MAML2: variants seen among roughly 807,000 people sequenced by gnomAD.
MAML2 encodes mastermind-like protein 2.
In MAML2, 22 loss-of-function variants were observed where a neutral mutation model predicts 96.1. The ratio of observed to expected loss-of-function variants is 0.23; its 90% confidence interval spans 0.16 to 0.33. MAML2 has a LOEUF of 0.33. Among genes scored for constraint, MAML2 ranks in the 10% least tolerant of loss-of-function variants. MAML2 has a pLI of 1.00. For missense variants in MAML2, 1,367 were observed against 1,392.4 expected, an observed-to-expected ratio of 0.98 and a Z score of 0.29; for synonymous variants, 561 against 521.3, an observed-to-expected ratio of 1.08 and a Z score of -1.04.
intron 1 of MAML2, among the ~76,000 whole-genome samples, chr11:96,233,136 G>A (rs549137449): frequency 2.0e-4 from 30 of 152,024 alleles, no homozygotes; most frequent in Middle Eastern, 6.8e-3. Context: ...AACAATATCT[G>A]TCACCAATAG....
intron 1 of MAML2, among the ~76,000 whole-genome samples, chr11:96,202,350 C>CA (rs3995542): frequency 0.5 from 53,993 of 107,242 alleles, 12,605 homozygotes; most frequent in Non-Finnish European, 0.53. Context: ...GACTCCATCT[C>CA]AAAAAAAAAA....
chr11:96,216,694 C>A (rs1291631957), intron 1 of MAML2, among the ~76,000 whole-genome samples: 1 of 152,126 alleles, frequency 6.6e-6, no homozygotes, highest in Non-Finnish European at 1.5e-5. Flanking sequence ...GAGACTCAGT[C>A]CCTGTTCTCA....
At chr11:96,325,298 A>C (rs527945820) in intron 1 of MAML2, among the ~76,000 whole-genome samples, 2 of 152,328 alleles carry the variant, frequency 1.3e-5, no homozygotes, top group Admixed American at 1.3e-4. Context: ...GAGTTAGCAC[A>C]GACAAGTTTG....
intron 2 of MAML2, among the ~76,000 whole-genome samples, chr11:96,055,815 C>T (rs1394712129): frequency 6.6e-6 from 1 of 152,126 alleles, no homozygotes; most frequent in Non-Finnish European, 1.5e-5. Flanking sequence ...ATGTTGGCTA[C>T]ATTTAAAAGA....
At chr11:96,063,325 G>A (rs1197484872) in intron 2 of MAML2, among the ~76,000 whole-genome samples, 1 of 152,130 alleles carries the variant, frequency 6.6e-6, no homozygotes, top group East Asian at 1.9e-4. Flanking sequence ...TACTCACTCA[G>A]TATTGGTTTT....
intron 1 of MAML2, among the ~76,000 whole-genome samples, chr11:96,232,698 C>T (rs539541468): frequency 6.6e-6 from 1 of 152,168 alleles, no homozygotes. Context: ...GTCTCGATCT[C>T]CTGACCTCGC....
chr11:95,978,997 T>C lies in MAML2; in HGVS notation c.3422A>G (p.Asp1141Gly). The C allele has an allele frequency of 6.2e-7, 1 of 1,613,600 alleles. No individual in the cohort carries two copies. ...ATCAAGATTGATGTCTTTCATCCAG[T>C]CATCATTACCAGGCTCTGTCTTCAA... ...SLLKTEPGND[D>G]WMKDINLDEI... Residue 1141 changes from aspartate (D) to glycine (G), a missense_variant, in exon 5 of 5, where the codon GAC becomes GGC. By Grantham distance (94) the Asp-to-Gly change is moderately conservative (BLOSUM62 -1). Transcript: ENST00000524717.
chr11:96,031,407 CTA>C (rs1210492404), intron 2 of MAML2, among the ~76,000 whole-genome samples: 1 of 152,072 alleles, frequency 6.6e-6, no homozygotes, highest in Non-Finnish European at 1.5e-5. Flanking sequence ...GTTTTCCAAA[CTA>C]TGCTAAAGAG....
chr11:96,204,973 C>CGAAA (rs1861876657), intron 1 of MAML2, among the ~76,000 whole-genome samples: 1 of 152,206 alleles, frequency 6.6e-6, no homozygotes, highest in Admixed American at 6.5e-5. Flanking sequence ...TCTTAAGAAT[C>CGAAA]GAAAGCTCAG....
Position 96,092,759 on chromosome 11 carries a change from C to A in MAML2, c.1272G>T (p.Leu424Phe). ...PQTGSGASRA[L>F]PSWQEVSHAQ... ...CATGGGATACTTCCTGCCAGCTTGG[C>A]AAGGCCCGGCTTGCTCCGGAGCCTG... Residue 424 changes from leucine to phenylalanine, a missense_variant, in exon 2 of 5, where the codon TTG becomes TTT. Coordinates refer to ENST00000524717, the MANE Select transcript of MAML2 (RefSeq NM_032427.4). The surrounding 1 kb of genome is among the most constrained non-coding windows in gnomAD (Gnocchi z 4.1). 4 of 1,613,652 alleles carry A rather than the reference C, an allele frequency of 2.5e-6. No individual in the cohort carries two copies. The highest frequency in any genetic ancestry group is 3.4e-6 in the Non-Finnish European group (4 of 1,179,698).
intron 2 of MAML2, among the ~76,000 whole-genome samples, chr11:96,084,722 G>A (rs969303969): frequency 2.0e-5 from 3 of 152,160 alleles, no homozygotes; most frequent in African/African-American, 7.2e-5. Flanking sequence ...CAAAGACTCA[G>A]AGTCACACAG....
intron 1 of MAML2, among the ~76,000 whole-genome samples, chr11:96,176,951 A>C (rs1861396679): frequency 6.6e-6 from 1 of 152,194 alleles, no homozygotes; most frequent in South Asian, 2.1e-4. Context: ...GGCACTAAAA[A>C]TACGGAGATA....
In MAML2 at chr11:96,076,430, T is replaced by TCA. The variant is rs1248476184; in HGVS notation, c.2139+15461_2139+15462insTG. 2.8e-3 allele frequency among the ~76,000 whole-genome samples: 384 copies of TCA among 136,496 alleles called. 1 individual carries two copies. Among genetic ancestry groups the TCA allele is most frequent in the African/African-American group, 0.01 (320 of 30,882 alleles). The allele number at this position is 136,496 out of a possible 152,430, so 89.5% of individuals were successfully genotyped here. On this transcript the variant is annotated intron_variant, in intron 2 of 4. Transcript: ENST00000524717. ...CTGCTCTCTTTTGTCTCTCTCTCTCTCTCACACACACACACACACACACAC... is the reference window on the plus strand; with the variant it reads ...CTGCTCTCTTTTGTCTCTCTCTCTCTCACTCACACACACACACACACACACAC...
rs76873981 is a variant in MAML2 at position 96,003,006 on chromosome 11, T to C, written c.2140-11283A>G. 6.4e-3 allele frequency among the ~76,000 whole-genome samples: 877 copies of C among 137,456 alleles called. 11 individuals are homozygous for C. Among genetic ancestry groups the C allele is most frequent in the African/African-American group, 0.023 (828 of 35,740 alleles). The allele number at this position is 137,456 out of a possible 152,430, so 90.2% of individuals were successfully genotyped here. A position where few individuals can be genotyped will look rare whatever the true frequency, so the allele number is the denominator to read the frequency against. ...ATGATGGTGATGATGAGGATGATGATGGGGATGATGAAGATGATGATGGGG... is the reference window on the plus strand; with the variant it reads ...ATGATGGTGATGATGAGGATGATGACGGGGATGATGAAGATGATGATGGGG... On this transcript the variant is annotated intron_variant, in intron 2 of 4. Transcript: ENST00000524717.
intron 1 of MAML2, among the ~76,000 whole-genome samples, chr11:96,235,172 C>T (rs904593562): frequency 6.6e-6 from 1 of 152,126 alleles, no homozygotes; most frequent in Admixed American, 6.5e-5. Context: ...TAAAGAAGCT[C>T]CCAACGAGAC....
intron 2 of MAML2, among the ~76,000 whole-genome samples, chr11:96,028,936 T>TCAC (rs371363742): frequency 3.9e-5 from 6 of 152,190 alleles, no homozygotes; most frequent in African/African-American, 1.4e-4. Context: ...AAAATGTCAT[T>TCAC]CACCACATTC....
chr11:96,271,021 C>G (rs1183603383), intron 1 of MAML2, among the ~76,000 whole-genome samples: 1 of 152,186 alleles, frequency 6.6e-6, no homozygotes, highest in Non-Finnish European at 1.5e-5. Context: ...GCTTCCTGCC[C>G]TCGAACATCA....
chr11:96,077,593 G>A (rs1052879092), intron 2 of MAML2, among the ~76,000 whole-genome samples: 10 of 152,162 alleles, frequency 6.6e-5, no homozygotes, highest in Non-Finnish European at 1.2e-4. Context: ...TATGTGGGTC[G>A]AAACTTTATT....
chr11:96,147,634 C>A (rs1191396378), intron 1 of MAML2, among the ~76,000 whole-genome samples: 1 of 152,196 alleles, frequency 6.6e-6, no homozygotes, highest in Non-Finnish European at 1.5e-5. Flanking sequence ...GAAACAAAGA[C>A]AATTTAACTA....
Sources: gnomAD v4.1 joint callset for allele counts (sites outside exome capture counted in the v4.1 genomes callset) on GRCh38, gnomAD v4.1.1 for gene constraint, Gnocchi (gnomAD v3.1) non-coding constraint, MANE v1.5 for transcripts, NCBI Gene and HGNC (gene_info 2026-07-23, HGNC 2026-07-21) for gene names.